Variants in RIN2 observed in about 807,000 individuals in gnomAD.
RIN2 encodes the protein RAB5 interacting protein 2.
A neutral mutation model predicts 78.0 loss-of-function variants in RIN2; 36 were observed. The observed-to-expected ratio is 0.46, with a 90% CI of 0.35 to 0.61. The LOEUF (loss-of-function observed/expected upper bound fraction) is 0.61. Ranked by LOEUF, RIN2 falls within the 20% of genes least tolerant of loss-of-function variation. The pLI is 0.00. For missense variants in RIN2, 1,087 were observed against 1,159.7 expected (o/e 0.94, Z 0.91); for synonymous variants, 466 against 466.8 (o/e 1.00, Z 0.02).
chr20:19,826,165 A>C (rs1190413737), intron 2 of RIN2, among the ~76,000 whole-genome samples: 1 of 152,190 alleles, frequency 6.6e-6, no homozygotes, highest in African/African-American at 2.4e-5. Flanking sequence ...ATTTCTAAAC[A>C]ATGTACTCTG....
At chr20:19,993,673 C>T (rs112970002) in intron 11 of RIN2, among the ~76,000 whole-genome samples, 3 of 152,232 alleles carry the variant, frequency 2.0e-5, no homozygotes, top group African/African-American at 7.2e-5. Flanking sequence ...CCCGATGAGC[C>T]TCCAAGGCCC....
At chr20:19,907,732 G>A (rs947013968) in intron 3 of RIN2, among the ~76,000 whole-genome samples, 18 of 152,288 alleles carry the variant, frequency 1.2e-4, no homozygotes, top group African/African-American at 3.8e-4. Flanking sequence ...CTTTTCAAAC[G>A]TAGTAAAAGC....
rs568007866 is a variant in RIN2, at chr20:19,842,708, G to A, written c.-37+42961G>A. On this transcript the variant is annotated intron_variant, in intron 2 of 12. Transcript: ENST00000255006. ...AAGAAGAGATTCGTGTTGTTTTCAGGCCTGCTAACACAGCATCCATTCTGC... is the reference window on the plus strand; with the variant it reads ...AAGAAGAGATTCGTGTTGTTTTCAGACCTGCTAACACAGCATCCATTCTGC... 1.9e-4 allele frequency among the ~76,000 whole-genome samples: 29 copies of A among 152,072 alleles called. No individual in the cohort carries two copies. The South Asian group carries it at 6.0e-3, about 32-fold the overall frequency.
intron 2 of RIN2, among the ~76,000 whole-genome samples, chr20:19,874,342 G>A (rs1002772172): frequency 6.6e-6 from 1 of 152,158 alleles, no homozygotes; most frequent in Non-Finnish European, 1.5e-5. Context: ...GTGACCAGGG[G>A]CTAGCAGGAA....
chr20:19,993,947 T>C (rs2042876784), intron 11 of RIN2, among the ~76,000 whole-genome samples: 1 of 152,232 alleles, frequency 6.6e-6, no homozygotes, highest in Admixed American at 6.5e-5. Flanking sequence ...GAAAGTCGAT[T>C]CTGTTGCTGA....
chr20:19,800,386 G>A (rs939184098), intron 2 of RIN2, among the ~76,000 whole-genome samples: 3 of 152,190 alleles, frequency 2.0e-5, no homozygotes, highest in African/African-American at 7.2e-5. Flanking sequence ...CCATCAAGTG[G>A]AGAGGTCTAT....
rs569356871 is a variant in RIN2 at position 19,810,254 on chromosome 20, A to C, written c.-37+10507A>C. 7.4e-3 allele frequency among the ~76,000 whole-genome samples: 1,123 copies of C among 151,972 alleles called. 10 individuals are homozygous for C. Among genetic ancestry groups the C allele is most frequent in the Non-Finnish European group, 0.011 (763 of 67,906 alleles). On this transcript the variant is annotated intron_variant, in intron 2 of 12. Transcript: ENST00000255006. Reference sequence around the variant, plus strand: ...TCTCTATTAATAATACAAAAAAAAAAAAAAAAAGCCAGGTGTGGTGGTGCA... The same window carrying C: ...TCTCTATTAATAATACAAAAAAAAACAAAAAAAGCCAGGTGTGGTGGTGCA...
At chr20:19,854,752 G>A (rs957472295) in intron 2 of RIN2, among the ~76,000 whole-genome samples, 53 of 152,346 alleles carry the variant, frequency 3.5e-4, no homozygotes, top group African/African-American at 1.3e-3. Context: ...CTTTGCTGAA[G>A]TTGCTGATCA....
At chr20:19,997,348 G>T (rs969508224) in intron 12 of RIN2, among the ~76,000 whole-genome samples, 1 of 152,220 alleles carries the variant, frequency 6.6e-6, no homozygotes, top group Non-Finnish European at 1.5e-5. Context: ...GCATCTGAGC[G>T]AGTCCTGCTC....
intron 6 of RIN2, among the ~76,000 whole-genome samples, chr20:19,964,542 G>A (rs891768045): frequency 1.4e-4 from 22 of 152,306 alleles, no homozygotes; most frequent in Non-Finnish European, 2.8e-4. Context: ...GGAGTGGCCA[G>A]GGAAGTGTGT....
chr20:19,920,768 C>T, intron 3 of RIN2, among the ~76,000 whole-genome samples: 1 of 152,202 alleles, frequency 6.6e-6, no homozygotes, highest in East Asian at 1.9e-4. Flanking sequence ...CCTCCACCCC[C>T]CAAGTTCAAG....
intron 2 of RIN2, among the ~76,000 whole-genome samples, chr20:19,871,538 G>A (rs2037688532): frequency 6.6e-6 from 1 of 152,186 alleles, no homozygotes; most frequent in Non-Finnish European, 1.5e-5. Context: ...TGCACTATGT[G>A]GTTTCAGAAT....
At chr20:19,775,914 T>C (rs62200330) in intron 1 of RIN2, among the ~76,000 whole-genome samples, 10,869 of 152,304 alleles carry the variant, frequency 0.071, 706 homozygotes, top group African/African-American at 0.17. Context: ...ACCCAGGCAA[T>C]CTGGTTTTAC....
chr20:19,906,733 C>T (rs771602899), intron 3 of RIN2, among the ~76,000 whole-genome samples: 28 of 152,154 alleles, frequency 1.8e-4, no homozygotes, highest in Non-Finnish European at 3.2e-4. Context: ...GTTTAAGTCT[C>T]CTGACTTTTG....
intron 2 of RIN2, among the ~76,000 whole-genome samples, chr20:19,831,318 TGTTAG>T (rs2036245774): frequency 6.6e-6 from 1 of 152,230 alleles, no homozygotes; most frequent in South Asian, 2.1e-4. Context: ...GTGATATGTA[TGTTAG>T]AAGTATTTAG....
At chr20:19,762,511 T>C (rs2033681363) in intron 1 of RIN2, among the ~76,000 whole-genome samples, 1 of 152,138 alleles carries the variant, frequency 6.6e-6, no homozygotes, top group Non-Finnish European at 1.5e-5. Flanking sequence ...AAGTAACAAT[T>C]CTCATTTAGA....
rs55949901 is a variant in RIN2, at chr20:19,902,015, C to CAAA, written c.57+12382_57+12384dup. ...TGGGCGACAGAACGAGACTCTGTCT[C>CAAA]AAAAAAAAAAAAAAAAAAAAAAAAA... On this transcript the variant is annotated intron_variant, in intron 3 of 12. Coordinates refer to ENST00000255006, the MANE Select transcript of RIN2 (RefSeq NM_018993.4). 3.8e-4 allele frequency among the ~76,000 whole-genome samples: 38 copies of CAAA among 100,654 alleles called. 1 individual carries two copies. The highest frequency in any genetic ancestry group is 1.4e-3 in the African/African-American group (37 of 25,866). 66.0% of individuals were successfully genotyped at this position (100,654 alleles called of 152,430 possible). A position where few individuals can be genotyped will look rare whatever the true frequency, so the allele number is the denominator to read the frequency against.
At chr20:19,889,336 G>T (rs77407125) in intron 2 of RIN2, 1 of 1,240,202 alleles carries the variant, frequency 8.1e-7, no homozygotes, top group Non-Finnish European at 1.0e-6. Context: ...GACCTTCTAC[G>T]TCAGTGGCAG....
chr20:19,766,485 G>T (rs1600398184), intron 1 of RIN2, among the ~76,000 whole-genome samples: 1 of 152,078 alleles, frequency 6.6e-6, no homozygotes, highest in Non-Finnish European at 1.5e-5. Flanking sequence ...GGGCAATGTG[G>T]TTGCATACAG....
Sources: allele counts gnomAD v4.1 joint callset (sites outside exome capture counted in the v4.1 genomes callset), GRCh38; gene constraint gnomAD v4.1.1; transcripts MANE v1.5; gene names NCBI Gene and HGNC (gene_info 2026-07-23, HGNC 2026-07-21).